WFDC8: variants seen among roughly 807,000 people sequenced by gnomAD.
WFDC8 encodes the protein WAP four-disulfide core domain 8, also known as WAP four-disulfide core domain protein 8.
In WFDC8, 24 loss-of-function variants were observed where a neutral mutation model predicts 27.0. The observed-to-expected ratio is 0.89, with a 90% CI of 0.64 to 1.25. WFDC8 has a LOEUF of 1.25. Among genes scored for constraint, WFDC8 ranks in the 50% most tolerant of loss-of-function variants. The pLI, the probability that WFDC8 is intolerant of heterozygous loss-of-function variation, is 0.00. For synonymous variants in WFDC8, 106 were observed against 99.7 expected (o/e 1.06, Z -0.38); for missense variants, 287 against 295.9 (o/e 0.97, Z 0.22).
At chr20:45,576,826 G>T (rs575053970) in intron 1 of WFDC8, among the ~76,000 whole-genome samples, 5 of 151,234 alleles carry the variant, frequency 3.3e-5, no homozygotes, top group Non-Finnish European at 5.9e-5. Context: ...CCTTCAAATC[G>T]TGTAAATCTA....
At chr20:45,573,660 A>G (rs1980946281) in intron 1 of WFDC8, among the ~76,000 whole-genome samples, 1 of 152,106 alleles carries the variant, frequency 6.6e-6, no homozygotes, top group African/African-American at 2.4e-5. Context: ...TGAGTGGTGT[A>G]TATATACCAT....
At chr20:45,556,968 A>G (rs1013078010) in intron 3 of WFDC8, among the ~76,000 whole-genome samples, 1 of 152,178 alleles carries the variant, frequency 6.6e-6, no homozygotes, top group African/African-American at 2.4e-5. Context: ...GATCCACTAT[A>G]ACTTTCTGAA....
chr20:45,561,063 T>A (rs1343511110), intron 2 of WFDC8, among the ~76,000 whole-genome samples: 1 of 152,192 alleles, frequency 6.6e-6, no homozygotes, highest in Non-Finnish European at 1.5e-5. Flanking sequence ...TTGTTGTAGC[T>A]CCTTTCCCCA....
At chr20:45,571,976 C>G (rs148901614) in intron 1 of WFDC8, among the ~76,000 whole-genome samples, 1 of 152,282 alleles carries the variant, frequency 6.6e-6, no homozygotes, top group African/African-American at 2.4e-5. Flanking sequence ...GATTTCATTT[C>G]TTTTGGATAT....
chr20:45,553,322 C>T (rs768256461), intron 4 of WFDC8, 46 bp from the exon 5 acceptor site: 3 of 1,582,010 alleles, frequency 1.9e-6, no homozygotes, highest in Admixed American at 1.8e-5. Context: ...CACCCCCATC[C>T]CACCACCCTT....
chr20:45,559,497 A>C (rs564546500), intron 2 of WFDC8, among the ~76,000 whole-genome samples: 1 of 152,332 alleles, frequency 6.6e-6, no homozygotes, highest in South Asian at 2.1e-4. Context: ...GAAGCATTGT[A>C]GTCAGGCAGA....
intron 3 of WFDC8, 106 bp from the exon 4 acceptor site, chr20:45,555,974 A>G (rs771554641): frequency 3.3e-5 from 40 of 1,200,628 alleles, no homozygotes; most frequent in Middle Eastern, 2.3e-4. Flanking sequence ...CCCAAGTCAT[A>G]AAAGGAGCCA....
At chr20:45,556,993 T>C (rs1980282388) in intron 3 of WFDC8, among the ~76,000 whole-genome samples, 1 of 152,178 alleles carries the variant, frequency 6.6e-6, no homozygotes, top group African/African-American at 2.4e-5. Context: ...GGCAAAACCA[T>C]TACATCTGAG....
At chr20:45,568,602 A>G in intron 1 of WFDC8, 1 of 525,294 alleles carries the variant, frequency 1.9e-6, no homozygotes, top group Non-Finnish European at 3.9e-6. Context: ...CCATAGCTTT[A>G]TATTCCTGAA....
In WFDC8 at chr20:45,553,152, A is replaced by C; in HGVS notation, c.570T>G (p.Cys190Trp). The C allele has an allele frequency of 6.2e-7, 1 of 1,613,408 alleles. No homozygotes were observed. Among genetic ancestry groups the C allele is most frequent in the East Asian group, 2.2e-5 (1 of 44,886 alleles). The change falls in exon 5 of 6, where the codon TGT becomes TGG. Residue 190 changes from cysteine (C) to tryptophan (W), a missense_variant. Coordinates refer to ENST00000289953, the MANE Select transcript of WFDC8 (RefSeq NM_130896.3). The part of the protein sequence containing the change: ...KCCESRCGFV[C>W]ARAWTVKKGF... ...AATCCTTACCTGTCCAGGCCCTGGC[A>C]CAAACAAAGCCACACCTGGATTCAC...
intron 1 of WFDC8, 25 bp from the exon 2 acceptor site, chr20:45,562,244 G>C: frequency 6.3e-7 from 1 of 1,588,514 alleles, no homozygotes; most frequent in Non-Finnish European, 8.6e-7. Context: ...AGAGAGGTGG[G>C]AGTTAAGCAC....
chr20:45,577,609 A>T (rs1162534108), intron 1 of WFDC8, among the ~76,000 whole-genome samples: 1 of 149,728 alleles, frequency 6.7e-6, no homozygotes, highest in Non-Finnish European at 1.5e-5. Context: ...TGTGTTGGCC[A>T]GGATGGTCTC....
At chr20:45,565,713 T>C (rs945144632) in intron 1 of WFDC8, among the ~76,000 whole-genome samples, 1 of 152,212 alleles carries the variant, frequency 6.6e-6, no homozygotes, top group Admixed American at 6.5e-5. Flanking sequence ...AAACTCACAC[T>C]AAGCCACTGT....
intron 3 of WFDC8, among the ~76,000 whole-genome samples, chr20:45,557,763 G>T (rs1347420404): frequency 6.6e-6 from 1 of 152,084 alleles, no homozygotes; most frequent in Non-Finnish European, 1.5e-5. Flanking sequence ...TAGTTATAAT[G>T]ATTTAAAATT....
At chr20:45,567,726 G>A (rs1980729780) in intron 1 of WFDC8, among the ~76,000 whole-genome samples, 1 of 152,316 alleles carries the variant, frequency 6.6e-6, no homozygotes, top group East Asian at 1.9e-4. Flanking sequence ...AAACGTAAAA[G>A]CACAGGGAGG....
At chr20:45,561,977 C>A in intron 2 of WFDC8, 133 bp downstream of exon 2, 1 of 725,132 alleles carries the variant, frequency 1.4e-6, no homozygotes. Context: ...GGGTCGTGAG[C>A]AGGGGTAGCT....
rs184215922 is a variant in WFDC8 at position 45,553,049 on chromosome 20, G to A, written c.586+87C>T. On this transcript the variant is annotated intron_variant, in intron 5 of 5. Transcript: ENST00000289953. ...AAGATGAGCCCAAGGAGCATCTGAGGTTCAAGACACCCCCCACTCCATGGA... is the reference window on the plus strand; with the variant it reads ...AAGATGAGCCCAAGGAGCATCTGAGATTCAAGACACCCCCCACTCCATGGA... 16 of 1,506,622 alleles carry A rather than the reference G, an allele frequency of 1.1e-5. No individual in the cohort carries two copies. The South Asian group carries it at 1.5e-4, about 14-fold the overall frequency. The allele number at this position is 1,506,622 out of a possible 1,614,324, so 93.3% of individuals were successfully genotyped here. A position where few individuals can be genotyped will look rare whatever the true frequency, so the allele number is the denominator to read the frequency against.
chr20:45,572,321 CAGGAG>C (rs1371652949), intron 1 of WFDC8, among the ~76,000 whole-genome samples: 1 of 146,594 alleles, frequency 6.8e-6, no homozygotes, highest in Non-Finnish European at 1.5e-5. Context: ...GGCGTGAACC[CAGGAG>C]GTGGAGCTTG....
At chr20:45,555,098 A>G (rs1450377179) in intron 4 of WFDC8, among the ~76,000 whole-genome samples, 1 of 152,208 alleles carries the variant, frequency 6.6e-6, no homozygotes. Flanking sequence ...GTGACTCCAG[A>G]ATTACAGAAG....
Sources: gnomAD v4.1 joint callset for allele counts (sites outside exome capture counted in the v4.1 genomes callset) on GRCh38, gnomAD v4.1.1 for gene constraint, MANE v1.5 for transcripts, NCBI Gene and HGNC (gene_info 2026-07-23, HGNC 2026-07-21) for gene names.